SLC25A27: variants seen among roughly 807,000 people sequenced by gnomAD.
SLC25A27 encodes the protein solute carrier family 25 member 27.
SLC25A27 carries 35 observed loss-of-function variants against 49.1 expected under a neutral mutation model. That is an observed-to-expected ratio of 0.71 (90% CI 0.54 to 0.95). The LOEUF (loss-of-function observed/expected upper bound fraction) is 0.95. SLC25A27 is among the 40% of genes least tolerant of loss of function. The pLI, the probability that SLC25A27 is intolerant of heterozygous loss-of-function variation, is 0.00. For synonymous variants in SLC25A27, 144 were observed against 136.9 expected, an observed-to-expected ratio of 1.05 and a Z score of -0.36; for missense variants, 339 against 397.1, an observed-to-expected ratio of 0.85 and a Z score of 1.24.
chr6:46,658,969 T>G lies in SLC25A27; in HGVS notation c.306T>G (p.Ser102=). 1 of 1,612,148 alleles carries G rather than the reference T, an allele frequency of 6.2e-7. No individual in the cohort carries two copies. The highest frequency in any genetic ancestry group is 8.5e-7 in the Non-Finnish European group (1 of 1,178,158). Residue 102 remains serine, a synonymous_variant, in exon 3 of 9, where the codon TCT becomes TCG. Transcript: ENST00000371347. The part of the protein sequence containing the change: ...TPAIYRHVVY[S]GGRMVTYEHL... The stretch of plus-strand genomic sequence containing the variant: ...ATGATCTTTTTTACCCAGTGTATTC[T>G]GGAGGTCGAATGGTCACATATGAAC...
At chr6:46,655,516 A>T (rs1199370429) in intron 1 of SLC25A27, among the ~76,000 whole-genome samples, 2 of 96,030 alleles carry the variant, frequency 2.1e-5, no homozygotes, top group Non-Finnish European at 4.6e-5. Context: ...TGTCATTTTA[A>T]TTTTTATTGT....
Position 46,677,306 on chromosome 6 carries a change from G to A in SLC25A27, c.*852G>A, listed in dbSNP as rs1763830517. The stretch of plus-strand genomic sequence containing the variant: ...CTACAACTTATTTGATTAAAACTCA[G>A]CTGTATAGATCCTTTTATAAAGCAC... On this transcript the variant is annotated 3_prime_UTR_variant, in exon 9 of 9. Coordinates refer to ENST00000371347, the MANE Select transcript of SLC25A27 (RefSeq NM_004277.5). The A allele has an allele frequency of 6.6e-6, 1 of 152,276 alleles. No homozygotes were observed. Among genetic ancestry groups the A allele is most frequent in the African/African-American group, 2.4e-5 (1 of 41,444 alleles). 9.4% of individuals were successfully genotyped at this position (152,276 alleles called of 1,614,324 possible).
intron 8 of SLC25A27, among the ~76,000 whole-genome samples, chr6:46,671,495 G>T (rs568945616): frequency 1.3e-4 from 20 of 151,784 alleles, no homozygotes; most frequent in Non-Finnish European, 1.5e-5. Context: ...TAGATTTTCT[G>T]TAATGTAAAA....
At chr6:46,657,157 C>T (rs1237878519) in intron 2 of SLC25A27, among the ~76,000 whole-genome samples, 1 of 152,076 alleles carries the variant, frequency 6.6e-6, no homozygotes, top group East Asian at 1.9e-4. Flanking sequence ...CAAAACAAGA[C>T]CCCATCTCTA....
rs1582488801 is a variant in SLC25A27, at chr6:46,653,143, T to G, written c.-50T>G. 1.3e-6 allele frequency: 2 copies of G among 1,535,696 alleles called. No individual in the cohort carries two copies. The highest frequency in any genetic ancestry group is 1.8e-6 in the Non-Finnish European group (2 of 1,116,132). On this transcript the variant is annotated 5_prime_UTR_variant, in exon 1 of 9. Coordinates refer to ENST00000371347, the MANE Select transcript of SLC25A27 (RefSeq NM_004277.5). ...CAGGGAAGCGGCCGCCGCGGCGCGGTGCAGCGCAGCGGCGAGAAGGAGTGC... is the reference window on the plus strand; with the variant it reads ...CAGGGAAGCGGCCGCCGCGGCGCGGGGCAGCGCAGCGGCGAGAAGGAGTGC...
intron 2 of SLC25A27, chr6:46,658,451 C>A: frequency 2.3e-6 from 1 of 427,406 alleles, no homozygotes; most frequent in Non-Finnish European, 4.6e-6. Flanking sequence ...ACGTTTGATG[C>A]TTAGCTGAAA....
At chr6:46,670,632 G>A in intron 7 of SLC25A27, 1 of 178,142 alleles carries the variant, frequency 5.6e-6, no homozygotes, top group Non-Finnish European at 1.2e-5. Context: ...GACCAAGGGT[G>A]GCATGAATCA....
intron 2 of SLC25A27, chr6:46,658,599 A>G: frequency 2.6e-6 from 1 of 386,958 alleles, no homozygotes; most frequent in Non-Finnish European, 5.0e-6. Context: ...TCATGGTCTG[A>G]TGGAAAGATA....
rs564143159 is a variant in SLC25A27, at chr6:46,653,198, C to T, written c.6C>T (p.Ser2=). 6 of 1,613,192 alleles carry T rather than the reference C, an allele frequency of 3.7e-6. No homozygotes were observed. The South Asian group carries it at 4.4e-5, about 12-fold the overall frequency. The part of the protein sequence containing the change: M[S]VPEEEERLLP... Reference sequence around the variant, plus strand: ...TCGTCTTGCGCTACTGCTGAATGTCCGTCCCGGAGGAGGAGGAGAGGCTTT... The same window carrying T: ...TCGTCTTGCGCTACTGCTGAATGTCTGTCCCGGAGGAGGAGGAGAGGCTTT... Residue 2 remains serine, a synonymous_variant, in exon 1 of 9, where the codon TCC becomes TCT. Coordinates refer to ENST00000371347, the MANE Select transcript of SLC25A27 (RefSeq NM_004277.5).
At position 46,658,955 on chromosome 6, in the gene SLC25A27, T is replaced by TA; in HGVS notation, c.299-6dup. ...AAGTTACCTTTTTAATGATCTTTTT[T>TA]ACCCAGTGTATTCTGGAGGTCGAAT... On this transcript the variant is annotated splice_polypyrimidine_tract_variant and splice_region_variant and intron_variant, in intron 2 of 8. Transcript: ENST00000371347. The TA allele has an allele frequency of 6.2e-7, 1 of 1,605,742 alleles. No individual in the cohort carries two copies. The highest frequency in any genetic ancestry group is 8.5e-7 in the Non-Finnish European group (1 of 1,172,330).
chr6:46,654,470 G>T (rs970069007), intron 1 of SLC25A27, among the ~76,000 whole-genome samples: 7 of 152,222 alleles, frequency 4.6e-5, no homozygotes, highest in African/African-American at 1.7e-4. Flanking sequence ...ATTGCTGAAT[G>T]ATATTTCCAG....
chr6:46,659,512 C>T (rs940522032), intron 3 of SLC25A27, among the ~76,000 whole-genome samples: 11 of 152,102 alleles, frequency 7.2e-5, no homozygotes, highest in East Asian at 1.9e-4. Context: ...CTGAAAAAAT[C>T]GGTTACTAAA....
intron 8 of SLC25A27, among the ~76,000 whole-genome samples, chr6:46,674,625 A>G (rs1237335431): frequency 6.6e-6 from 1 of 152,192 alleles, no homozygotes; most frequent in Non-Finnish European, 1.5e-5. Context: ...GGCCTTGAAA[A>G]TACAGATTCG....
At chr6:46,653,330 G>A in intron 1 of SLC25A27, 32 bp downstream of exon 1, 10 of 1,589,866 alleles carry the variant, frequency 6.3e-6, no homozygotes, top group Non-Finnish European at 7.7e-6. Flanking sequence ...GGCCTCCCGG[G>A]CCAGTGGCAC....
intron 4 of SLC25A27, 29 bp downstream of exon 4, chr6:46,662,527 C>CT: frequency 1.2e-6 from 2 of 1,609,772 alleles, no homozygotes; most frequent in Non-Finnish European, 1.7e-6. Flanking sequence ...CAATACCTCT[C>CT]TTTTTCCCTT....
In SLC25A27 at chr6:46,653,325, C is replaced by T. The variant is rs766564022; in HGVS notation, c.106+27C>T. 30 of 1,596,326 alleles carry T rather than the reference C, an allele frequency of 1.9e-5. No homozygotes were observed. In the African/African-American group the frequency reaches 3.2e-4, roughly 17 times the overall value. On this transcript the variant is annotated intron_variant, in intron 1 of 8. Coordinates refer to ENST00000371347, the MANE Select transcript of SLC25A27 (RefSeq NM_004277.5). The stretch of plus-strand genomic sequence containing the variant: ...TACCCGGCTGCCCACGCCTGGGCCT[C>T]CCGGGCCAGTGGCACGCGCCGCGCT...
intron 4 of SLC25A27, among the ~76,000 whole-genome samples, chr6:46,664,239 G>T (rs867554729): frequency 2.0e-5 from 3 of 152,290 alleles, no homozygotes; most frequent in Middle Eastern, 3.4e-3. Context: ...ATAGAGAAAT[G>T]AGCAAGATAA....
At chr6:46,657,057 T>G (rs532786929) in intron 2 of SLC25A27, among the ~76,000 whole-genome samples, 3 of 152,216 alleles carry the variant, frequency 2.0e-5, no homozygotes, top group East Asian at 3.9e-4. Context: ...TCCCCACTAC[T>G]TGGGAGGCTG....
chr6:46,676,355 G>A (rs1763788208), intron 8 of SLC25A27, 28 bp from the exon 9 acceptor site: 1 of 1,605,268 alleles, frequency 6.2e-7, no homozygotes, highest in African/African-American at 1.3e-5. Context: ...TTTGAAATAT[G>A]CACTAACTTC....
Sources: allele counts gnomAD v4.1 joint callset (sites outside exome capture counted in the v4.1 genomes callset), GRCh38; gene constraint gnomAD v4.1.1; transcripts MANE v1.5; gene names NCBI Gene and HGNC (gene_info 2026-07-23, HGNC 2026-07-21).